Variants in SPEF2 observed in about 807,000 individuals in gnomAD.
SPEF2 encodes the protein sperm flagella and cilia-associated protein 2.
A neutral mutation model predicts 224.6 loss-of-function variants in SPEF2; 187 were observed. That is an observed-to-expected ratio of 0.83 (90% CI 0.74 to 0.94). The LOEUF is 0.94. Among genes scored for constraint, SPEF2 ranks in the 40% least tolerant of loss-of-function variants. The pLI is 0.00. For synonymous variants in SPEF2, 715 were observed against 707.3 expected, an observed-to-expected ratio of 1.01 and a Z score of -0.17; for missense variants, 2,170 against 2,135.6, an observed-to-expected ratio of 1.02 and a Z score of -0.32.
At chr5:35,707,517 G>A (rs1004767546) in intron 18 of SPEF2, among the ~76,000 whole-genome samples, 12 of 152,114 alleles carry the variant, frequency 7.9e-5, no homozygotes, top group African/African-American at 2.9e-4. Context: ...GTAATCTAAG[G>A]GTGGAGTAAG....
At chr5:35,654,829 C>G in intron 7 of SPEF2, 103 bp downstream of exon 7, 1 of 984,754 alleles carries the variant, frequency 1.0e-6, no homozygotes, top group Non-Finnish European at 1.4e-6. Flanking sequence ...GTCTGCTACT[C>G]TGCATCAAAT....
At chr5:35,712,449 T>G (rs1741358303) in intron 19 of SPEF2, among the ~76,000 whole-genome samples, 1 of 152,090 alleles carries the variant, frequency 6.6e-6, no homozygotes, top group South Asian at 2.1e-4. Flanking sequence ...CACATTCAGT[T>G]GAAACAAATC....
At chr5:35,782,469 A>G (rs1190917975) in intron 30 of SPEF2, among the ~76,000 whole-genome samples, 1 of 152,208 alleles carries the variant, frequency 6.6e-6, no homozygotes, top group Non-Finnish European at 1.5e-5. Flanking sequence ...AGGGAAGCAT[A>G]CATATTTATT....
At chr5:35,710,643 C>T (rs1740917630) in intron 19 of SPEF2, 2 of 985,180 alleles carry the variant, frequency 2.0e-6, no homozygotes, top group African/African-American at 1.7e-5. Context: ...CGTCCTTTAA[C>T]CTATAGCTAT....
intron 6 of SPEF2, among the ~76,000 whole-genome samples, chr5:35,650,529 G>T (rs1748036654): frequency 6.6e-6 from 1 of 152,166 alleles, no homozygotes; most frequent in African/African-American, 2.4e-5. Context: ...GTGTCCACCA[G>T]AAAGACCATC....
At position 35,727,936 on chromosome 5, in the gene SPEF2, C is replaced by T. The variant is rs569150150; in HGVS notation, c.3063+113C>T. 704 of 1,135,716 alleles carry T rather than the reference C, an allele frequency of 6.2e-4. 5 individuals carry two copies. The Middle Eastern group carries it at 6.6e-3, about 11-fold the overall frequency. 70.4% of individuals were successfully genotyped at this position (1,135,716 alleles called of 1,614,324 possible). ...GCCTTTTACAGCAGGTAATATATAT[C>T]TATCCATCTGAGATTTTTTTTAGAG... On this transcript the variant is annotated intron_variant, in intron 21 of 36. Coordinates refer to ENST00000356031, the MANE Select transcript of SPEF2 (RefSeq NM_024867.4).
At chr5:35,705,929 G>A (rs1226601499) in intron 18 of SPEF2, 121 bp downstream of exon 18, 16 of 563,408 alleles carry the variant, frequency 2.8e-5, no homozygotes, top group Non-Finnish European at 3.7e-5. Context: ...TTATACTATC[G>A]ACAAATATAT....
At chr5:35,656,105 G>A (rs1050600557) in intron 7 of SPEF2, among the ~76,000 whole-genome samples, 4 of 152,162 alleles carry the variant, frequency 2.6e-5, no homozygotes, top group African/African-American at 9.7e-5. Flanking sequence ...TTTCTAGGTT[G>A]TGCACCTGGA....
At chr5:35,775,154 T>C (rs1753430886) in intron 28 of SPEF2, among the ~76,000 whole-genome samples, 1 of 152,136 alleles carries the variant, frequency 6.6e-6, no homozygotes, top group African/African-American at 2.4e-5. Context: ...TGTTGCATGT[T>C]GACCTGTTGA....
chr5:35,662,200 G>A (rs984565097), intron 8 of SPEF2, among the ~76,000 whole-genome samples: 5 of 151,844 alleles, frequency 3.3e-5, no homozygotes, highest in Non-Finnish European at 5.9e-5. Context: ...TTTTTTTCAC[G>A]TTTGTTAGCC....
intron 26 of SPEF2, among the ~76,000 whole-genome samples, chr5:35,765,641 A>G (rs1289832456): frequency 6.6e-6 from 1 of 152,170 alleles, no homozygotes; most frequent in African/African-American, 2.4e-5. Context: ...ACACCAATAT[A>G]CCATTTATTT....
chr5:35,750,384 G>A (rs975741968), intron 23 of SPEF2, among the ~76,000 whole-genome samples: 16 of 152,008 alleles, frequency 1.1e-4, no homozygotes, highest in African/African-American at 3.9e-4. Context: ...CTTTTGCACG[G>A]CACATGGACA....
chr5:35,751,436 A>G (rs1396810144), intron 23 of SPEF2, among the ~76,000 whole-genome samples: 1 of 151,684 alleles, frequency 6.6e-6, no homozygotes, highest in African/African-American at 2.4e-5. Flanking sequence ...TATGTACCCA[A>G]ATACCACCCG....
intron 2 of SPEF2, among the ~76,000 whole-genome samples, chr5:35,639,757 G>A (rs1272474186): frequency 6.6e-6 from 1 of 151,816 alleles, no homozygotes; most frequent in Admixed American, 6.6e-5. Flanking sequence ...CAGATGGCAA[G>A]AAGGGAAGGA....
chr5:35,654,520 A>G lies in SPEF2; in HGVS notation c.792-20A>G. 2 of 1,525,926 alleles carry G rather than the reference A, an allele frequency of 1.3e-6. No homozygotes were observed. The highest frequency in any genetic ancestry group is 2.7e-5 in the South Asian group (2 of 74,322). 94.5% of individuals were successfully genotyped at this position (1,525,926 alleles called of 1,614,324 possible). A position where few individuals can be genotyped will look rare whatever the true frequency, so the allele number is the denominator to read the frequency against. ...TCACATTATTATTTAAAAATCTAAA[A>G]TAAAAACTATTATTCTTAGTGCATC... On this transcript the variant is annotated intron_variant, in intron 6 of 36. Transcript: ENST00000356031.
chr5:35,618,296 G>A (rs1742956844), intron 1 of SPEF2, among the ~76,000 whole-genome samples: 1 of 152,104 alleles, frequency 6.6e-6, no homozygotes, highest in South Asian at 2.1e-4. Flanking sequence ...CCACTCTGCC[G>A]CTCTCGAGTT....
At chr5:35,642,920 T>C (rs368122074) in intron 3 of SPEF2, among the ~76,000 whole-genome samples, 2 of 152,164 alleles carry the variant, frequency 1.3e-5, no homozygotes, top group South Asian at 4.1e-4. Context: ...ATATGAATAA[T>C]TTATTATTGC....
intron 20 of SPEF2, among the ~76,000 whole-genome samples, chr5:35,725,591 A>G (rs2149648872): frequency 6.6e-6 from 1 of 152,238 alleles, no homozygotes; most frequent in East Asian, 1.9e-4. Flanking sequence ...CTCTTATCTT[A>G]GAATTAACTG....
intron 32 of SPEF2, among the ~76,000 whole-genome samples, chr5:35,793,759 C>CACACACACACACACACACACAT (rs1554059228): frequency 7.1e-6 from 1 of 141,760 alleles, no homozygotes; most frequent in Non-Finnish European, 1.5e-5. Context: ...CACACACACA[C>CACACACACACACACACACACAT]ACACACACAG....
Sources: allele counts gnomAD v4.1 joint callset (sites outside exome capture counted in the v4.1 genomes callset), GRCh38; gene constraint gnomAD v4.1.1; transcripts MANE v1.5; gene names NCBI Gene and HGNC (gene_info 2026-07-23, HGNC 2026-07-21).